Variants in FRMD3 observed in about 807,000 individuals in gnomAD.
The protein encoded by FRMD3 is FERM domain-containing protein 3.
Under a neutral mutation model 70.2 loss-of-function variants are expected in FRMD3, and 33 were observed. The observed-to-expected ratio is 0.47, with a 90% CI of 0.36 to 0.63. The LOEUF is 0.63. Ranked by LOEUF, FRMD3 falls within the 20% of genes least tolerant of loss-of-function variation. The probability of loss-of-function intolerance (pLI) is 0.00; values close to 1 mark genes in which losing one functional copy is unlikely to be tolerated. For synonymous variants in FRMD3, 279 were observed against 255.9 expected (o/e 1.09, Z -0.86); for missense variants, 632 against 711.4 (o/e 0.89, Z 1.27).
intron 1 of FRMD3, among the ~76,000 whole-genome samples, chr9:83,418,876 A>G (rs1826536365): frequency 1.3e-5 from 2 of 152,250 alleles, no homozygotes; most frequent in South Asian, 2.1e-4. Flanking sequence ...TTGTGAACCA[A>G]CCTAAGTGCC....
intron 1 of FRMD3, among the ~76,000 whole-genome samples, chr9:83,520,732 G>A (rs547390325): frequency 2.0e-5 from 3 of 152,106 alleles, no homozygotes; most frequent in Non-Finnish European, 4.4e-5. Flanking sequence ...TTTCAATACT[G>A]TTCGATACTT....
Position 83,400,340 on chromosome 9 carries a change from A to G in FRMD3, c.148-10632T>C, listed in dbSNP as rs181932903. Among the ~76,000 whole-genome samples the G allele has an allele frequency of 1.3e-4, 20 of 152,346 alleles. No individual in the cohort carries two copies. In the East Asian group the frequency reaches 3.5e-3, roughly 26 times the overall value. On this transcript the variant is annotated intron_variant, in intron 1 of 13. Transcript: ENST00000304195. ...AAATACTTAGGGATAACTCTAACAAAATATGTACAAAATCTATATCAGGAA... is the reference window on the plus strand; with the variant it reads ...AAATACTTAGGGATAACTCTAACAAGATATGTACAAAATCTATATCAGGAA...
chr9:83,259,513 A>G (rs1459765319), intron 13 of FRMD3, among the ~76,000 whole-genome samples: 3 of 152,176 alleles, frequency 2.0e-5, no homozygotes, highest in African/African-American at 7.2e-5. Flanking sequence ...CTAGTGAGTC[A>G]TGCTTGAGAA....
At position 83,474,991 on chromosome 9, in the gene FRMD3, G is replaced by A. The variant is rs181662500; in HGVS notation, c.147+63094C>T. ...AAGGCTACACCTGGGTAGGGAGATTGAGTTGAGATTATAAAAATTTTAACT... is the reference window on the plus strand; with the variant it reads ...AAGGCTACACCTGGGTAGGGAGATTAAGTTGAGATTATAAAAATTTTAACT... On this transcript the variant is annotated intron_variant, in intron 1 of 13. Transcript: ENST00000304195. 4.3e-4 allele frequency among the ~76,000 whole-genome samples: 66 copies of A among 152,186 alleles called. 2 individuals carry two copies. The East Asian group carries it at 0.013, about 29-fold the overall frequency.
intron 12 of FRMD3, among the ~76,000 whole-genome samples, chr9:83,292,030 A>G (rs1834439112): frequency 6.6e-6 from 1 of 151,926 alleles, no homozygotes. Flanking sequence ...ACAGCCATTT[A>G]CTCTGCAGCT....
chr9:83,300,435 C>T (rs1437211336), intron 10 of FRMD3, among the ~76,000 whole-genome samples: 1 of 152,206 alleles, frequency 6.6e-6, no homozygotes, highest in Non-Finnish European at 1.5e-5. Context: ...CTAAGTTAAG[C>T]AACTCAGGAA....
At chr9:83,503,306 A>T (rs1165894137) in intron 1 of FRMD3, among the ~76,000 whole-genome samples, 1 of 152,206 alleles carries the variant, frequency 6.6e-6, no homozygotes, top group African/African-American at 2.4e-5. Flanking sequence ...TGACGACAGA[A>T]GAGAATTCAG....
intron 1 of FRMD3, among the ~76,000 whole-genome samples, chr9:83,523,312 TA>T (rs1829620613): frequency 6.6e-6 from 1 of 152,104 alleles, no homozygotes; most frequent in Admixed American, 6.5e-5. Flanking sequence ...AATGGATAGT[TA>T]GATGGATGAA....
intron 1 of FRMD3, among the ~76,000 whole-genome samples, chr9:83,421,063 C>T (rs1356367654): frequency 6.6e-6 from 1 of 150,684 alleles, no homozygotes; most frequent in Admixed American, 6.6e-5. Context: ...GCCTCAGCCT[C>T]CCGAGTAGCT....
intron 13 of FRMD3, among the ~76,000 whole-genome samples, chr9:83,283,979 G>A (rs548271003): frequency 6.6e-6 from 1 of 151,482 alleles, no homozygotes; most frequent in Non-Finnish European, 1.5e-5. Context: ...CTGGATAACT[G>A]CAACTGCATT....
chr9:83,536,655 A>T lies in FRMD3; in HGVS notation c.147+1430T>A, dbSNP rs75840939. 5.1e-3 allele frequency among the ~76,000 whole-genome samples: 771 copies of T among 152,240 alleles called. 6 individuals are homozygous for T. Among genetic ancestry groups the T allele is most frequent in the African/African-American group, 0.018 (740 of 41,514 alleles). On this transcript the variant is annotated intron_variant, in intron 1 of 13. Transcript: ENST00000304195. ...GCTGCTTAGCTCAGAATGAAATTCA[A>T]GCTCCCCCAGAAAATTCAATGGGAG...
intron 3 of FRMD3, among the ~76,000 whole-genome samples, chr9:83,359,040 T>C (rs1824497722): frequency 6.6e-6 from 1 of 152,140 alleles, no homozygotes; most frequent in Non-Finnish European, 1.5e-5. Context: ...ACAACAACTG[T>C]TACTATCAGC....
At chr9:83,566,570 G>A in the FRMD3 span, among the ~76,000 whole-genome samples, 12 of 152,298 alleles carry the variant, frequency 7.9e-5, no homozygotes, top group Admixed American at 4.6e-4. Context: ...CTATGAGCCT[G>A]TAAAATCAAA....
At chr9:83,325,017 T>TA in intron 6 of FRMD3, among the ~76,000 whole-genome samples, 1 of 152,304 alleles carries the variant, frequency 6.6e-6, no homozygotes, top group South Asian at 2.1e-4. Flanking sequence ...TTTTATGTTT[T>TA]AAAAAAGCAA....
chr9:83,553,463 T>A, the FRMD3 span, among the ~76,000 whole-genome samples: 1 of 152,222 alleles, frequency 6.6e-6, no homozygotes, highest in Non-Finnish European at 1.5e-5. Flanking sequence ...GGGATGATCT[T>A]CTTGTGTAGA....
chr9:83,535,416 G>C (rs1250713809), intron 1 of FRMD3, among the ~76,000 whole-genome samples: 2 of 152,104 alleles, frequency 1.3e-5, no homozygotes, highest in Non-Finnish European at 2.9e-5. Context: ...TGTGTGGCTT[G>C]AGTTTCCCCT....
At position 83,516,518 on chromosome 9, in the gene FRMD3, T is replaced by C. The variant is rs1157299419; in HGVS notation, c.147+21567A>G. On this transcript the variant is annotated intron_variant, in intron 1 of 13. Transcript: ENST00000304195. Reference sequence around the variant, plus strand: ...AGAGACTTAGACTCCCACACAATAATAGTGGGAGACTTTAACACCACACTG... The same window carrying C: ...AGAGACTTAGACTCCCACACAATAACAGTGGGAGACTTTAACACCACACTG... Among the ~76,000 whole-genome samples, 3 of 152,272 alleles carry C rather than the reference T, an allele frequency of 2.0e-5. No individual in the cohort carries two copies. In the South Asian group the frequency reaches 6.2e-4, roughly 32 times the overall value.
chr9:83,457,882 C>T (rs1827862546), intron 1 of FRMD3, among the ~76,000 whole-genome samples: 1 of 151,358 alleles, frequency 6.6e-6, no homozygotes, highest in African/African-American at 2.4e-5. Context: ...TATATCAAAA[C>T]ATCACATTGT....
intron 10 of FRMD3, among the ~76,000 whole-genome samples, chr9:83,306,464 G>T (rs993395306): frequency 1.5e-4 from 23 of 152,094 alleles, no homozygotes; most frequent in African/African-American, 5.3e-4. Context: ...CCCACAAAAT[G>T]CATCCTCCAC....
Sources: gnomAD v4.1 joint callset for allele counts (sites outside exome capture counted in the v4.1 genomes callset) on GRCh38, gnomAD v4.1.1 for gene constraint, MANE v1.5 for transcripts, NCBI Gene and HGNC (gene_info 2026-07-23, HGNC 2026-07-21) for gene names.